The following LMX1A variants were observed in gnomAD, a reference collection of about 807,000 sequenced individuals.
The protein encoded by LMX1A is LIM homeobox transcription factor 1 alpha.
In LMX1A, 15 loss-of-function variants were observed where a neutral mutation model predicts 49.1. The observed-to-expected ratio is 0.31, with a 90% CI of 0.20 to 0.47. The LOEUF (loss-of-function observed/expected upper bound fraction) is 0.47. Among genes scored for constraint, LMX1A ranks in the 20% least tolerant of loss-of-function variants. The probability of loss-of-function intolerance (pLI) is 1.00; values close to 1 mark genes in which losing one functional copy is unlikely to be tolerated. For synonymous variants in LMX1A, 167 were observed against 185.7 expected, an observed-to-expected ratio of 0.90 and a Z score of 0.82; for missense variants, 372 against 475.8, an observed-to-expected ratio of 0.78 and a Z score of 2.03.
intron 3 of LMX1A, among the ~76,000 whole-genome samples, chr1:165,288,907 T>A (rs1000135358): frequency 1.3e-5 from 2 of 152,158 alleles, no homozygotes; most frequent in African/African-American, 4.8e-5. Context: ...GAGGAAGCGA[T>A]CTCCTCCTCA....
chr1:165,349,407 C>T (rs553299022), intron 3 of LMX1A, among the ~76,000 whole-genome samples: 11 of 152,210 alleles, frequency 7.2e-5, no homozygotes, highest in Non-Finnish European at 1.0e-4. Flanking sequence ...CTTTCAGGAA[C>T]GTTGAAGACA....
chr1:165,248,055 A>G (rs1652921469), intron 4 of LMX1A, among the ~76,000 whole-genome samples: 2 of 152,232 alleles, frequency 1.3e-5, no homozygotes, highest in Admixed American at 1.3e-4. Flanking sequence ...AGCACTCTGA[A>G]AAGAATAAGA....
At chr1:165,208,177 G>T (rs1474378627) in intron 6 of LMX1A, 45 bp from the exon 7 acceptor site, 5 of 1,578,272 alleles carry the variant, frequency 3.2e-6, no homozygotes, top group Non-Finnish European at 4.3e-6. Context: ...GTGGCCTGCA[G>T]CATGTTCACA....
chr1:165,245,030 C>T (rs756812329), intron 4 of LMX1A, among the ~76,000 whole-genome samples: 1 of 152,096 alleles, frequency 6.6e-6, no homozygotes, highest in African/African-American at 2.4e-5. Context: ...TAGCTGTGAA[C>T]GTGTCACATG....
chr1:165,333,992 A>C (rs1029378096), intron 3 of LMX1A, among the ~76,000 whole-genome samples: 5 of 152,248 alleles, frequency 3.3e-5, no homozygotes, highest in African/African-American at 1.2e-4. Flanking sequence ...TAAATTGATT[A>C]GTATCTCCCT....
chr1:165,258,969 T>G (rs1239789177), intron 3 of LMX1A, among the ~76,000 whole-genome samples: 1 of 152,224 alleles, frequency 6.6e-6, no homozygotes, highest in Admixed American at 6.5e-5. Flanking sequence ...TTTTGGAGAT[T>G]AAGTAAGTAG....
chr1:165,244,186 T>G (rs781024763), intron 4 of LMX1A, among the ~76,000 whole-genome samples: 2 of 152,220 alleles, frequency 1.3e-5, no homozygotes, highest in African/African-American at 2.4e-5. Context: ...AGAGAGAGCA[T>G]GGAAGCTCTG....
intron 4 of LMX1A, among the ~76,000 whole-genome samples, chr1:165,240,444 G>A (rs931211772): frequency 1.3e-5 from 2 of 151,994 alleles, no homozygotes; most frequent in African/African-American, 2.4e-5. Context: ...GCTGGCCCCT[G>A]TTCCCCTGAC....
At chr1:165,276,694 A>T (rs1653980183) in intron 3 of LMX1A, among the ~76,000 whole-genome samples, 2 of 152,018 alleles carry the variant, frequency 1.3e-5, no homozygotes, top group Admixed American at 1.3e-4. Context: ...GGCTGATGTT[A>T]TTCTTTCTTG....
chr1:165,335,768 T>C (rs1015875829), intron 3 of LMX1A, among the ~76,000 whole-genome samples: 16 of 152,164 alleles, frequency 1.1e-4, no homozygotes, highest in African/African-American at 3.9e-4. Flanking sequence ...TATCTTCTAT[T>C]TGAAGCTCCA....
chr1:165,226,476 G>A (rs566283208), intron 4 of LMX1A, among the ~76,000 whole-genome samples: 3 of 152,266 alleles, frequency 2.0e-5, no homozygotes, highest in Admixed American at 6.5e-5. Flanking sequence ...GTCTTTCAAT[G>A]AGTCCTCCCT....
At chr1:165,267,099 C>T (rs1653651117) in intron 3 of LMX1A, among the ~76,000 whole-genome samples, 2 of 152,098 alleles carry the variant, frequency 1.3e-5, no homozygotes, top group Admixed American at 6.6e-5. Context: ...CTATCTAGTT[C>T]CAAAACATTT....
chr1:165,351,596 C>G (rs892238275), intron 3 of LMX1A, among the ~76,000 whole-genome samples: 3 of 152,124 alleles, frequency 2.0e-5, no homozygotes, highest in Non-Finnish European at 4.4e-5. Flanking sequence ...ATCCAGCACA[C>G]GTTTCTTTTA....
intron 3 of LMX1A, among the ~76,000 whole-genome samples, chr1:165,252,036 A>G (rs1462019750): frequency 6.6e-6 from 1 of 152,196 alleles, no homozygotes; most frequent in Admixed American, 6.5e-5. Context: ...TCCTCCAGCA[A>G]CAAAAATTCT....
At chr1:165,305,081 T>A (rs1654884960) in intron 3 of LMX1A, among the ~76,000 whole-genome samples, 1 of 152,062 alleles carries the variant, frequency 6.6e-6, no homozygotes, top group South Asian at 2.1e-4. Context: ...GATCAAGGAG[T>A]GTGTCTGTCT....
chr1:165,317,251 CA>C (rs5778438), intron 3 of LMX1A, among the ~76,000 whole-genome samples: 11,311 of 152,248 alleles, frequency 0.074, 603 homozygotes, highest in South Asian at 0.2. Flanking sequence ...CATAGAAATG[CA>C]ACTATCCATA....
At chr1:165,225,997 T>C (rs535363921) in intron 4 of LMX1A, among the ~76,000 whole-genome samples, 5 of 149,100 alleles carry the variant, frequency 3.4e-5, no homozygotes, top group Non-Finnish European at 7.4e-5. Flanking sequence ...CCTGCTAGTT[T>C]TGATAATTGT....
intron 3 of LMX1A, among the ~76,000 whole-genome samples, chr1:165,288,293 C>A (rs1445652044): frequency 6.6e-6 from 1 of 152,088 alleles, no homozygotes; most frequent in Non-Finnish European, 1.5e-5. Flanking sequence ...CCAAAACATG[C>A]ACAGAGATTA....
intron 6 of LMX1A, among the ~76,000 whole-genome samples, chr1:165,210,062 T>C (rs1056531900): frequency 6.6e-6 from 1 of 152,256 alleles, no homozygotes; most frequent in African/African-American, 2.4e-5. Context: ...CTGATTGTTG[T>C]AGTGTAAGAG....
Sources: allele counts gnomAD v4.1 joint callset (sites outside exome capture counted in the v4.1 genomes callset), GRCh38; gene constraint gnomAD v4.1.1; transcripts MANE v1.5; gene names NCBI Gene and HGNC (gene_info 2026-07-23, HGNC 2026-07-21).